SEC16B: variants seen among roughly 807,000 people sequenced by gnomAD.
The protein encoded by SEC16B is SEC16 homolog B, endoplasmic reticulum export factor, also known as protein transport protein Sec16B.
SEC16B carries 115 observed loss-of-function variants against 141.8 expected under a neutral mutation model. The observed-to-expected ratio is 0.81, with a 90% CI of 0.70 to 0.95. The LOEUF (loss-of-function observed/expected upper bound fraction) is 0.95. Among genes scored for constraint, SEC16B ranks in the 40% least tolerant of loss-of-function variants. SEC16B has a pLI of 0.00. For missense variants in SEC16B, 1,291 were observed against 1,312.3 expected, an observed-to-expected ratio of 0.98 and a Z score of 0.25; for synonymous variants, 493 against 492.5, an observed-to-expected ratio of 1.00 and a Z score of -0.01.
chr1:177,973,997 A>AAT (rs768534234), upstream of SEC16B, among the ~76,000 whole-genome samples: 697 of 151,166 alleles, frequency 4.6e-3, 5 homozygotes, highest in African/African-American at 0.015. Context: ...GGACATATAG[A>AAT]ATATATATAT....
At chr1:177,954,237 C>A (rs754151344) in intron 11 of SEC16B, 42 bp downstream of exon 11, 1 of 1,453,874 alleles carries the variant, frequency 6.9e-7, no homozygotes, top group Non-Finnish European at 9.4e-7. Context: ...GGTGAGGAGG[C>A]CTCTCTGCCC....
intron 12 of SEC16B, chr1:177,948,595 C>T (rs1454623610): frequency 4.6e-6 from 6 of 1,303,932 alleles, no homozygotes; most frequent in Non-Finnish European, 5.1e-6. Flanking sequence ...TACAAAGCCC[C>T]GCATCAATGG....
At chr1:177,950,298 G>C (rs1474546026) in intron 12 of SEC16B, among the ~76,000 whole-genome samples, 1 of 152,136 alleles carries the variant, frequency 6.6e-6, no homozygotes, top group Non-Finnish European at 1.5e-5. Context: ...GAAGCCAAGA[G>C]GACACGAGGG....
intron 1 of SEC16B, among the ~76,000 whole-genome samples, chr1:177,979,154 T>C (rs541077943): frequency 1.3e-5 from 2 of 152,300 alleles, no homozygotes; most frequent in South Asian, 2.1e-4. Flanking sequence ...AATATAGTAA[T>C]ATATTTAACA....
In SEC16B at chr1:177,944,666, A is replaced by T. The variant is rs1361872139; in HGVS notation, c.1776T>A (p.Ser592Arg). Residue 592 changes from serine (S) to arginine (R), a missense_variant and splice_region_variant, in exon 15 of 26, where the codon AGT becomes AGA. Coordinates refer to ENST00000308284, the MANE Select transcript of SEC16B (RefSeq NM_033127.4). Reference protein sequence around the residue: ...DHLVLLGSSHSQEFLKFATTE... With the variant: ...DHLVLLGSSHRQEFLKFATTE... ...TTGTTGCAAATTTCAAAAACTCTTGACTAAAACCAGAGAATAACAATAAAA... is the reference window on the plus strand; with the variant it reads ...TTGTTGCAAATTTCAAAAACTCTTGTCTAAAACCAGAGAATAACAATAAAA... 2 of 1,611,954 alleles carry T rather than the reference A, an allele frequency of 1.2e-6. No homozygotes were observed. Among genetic ancestry groups the T allele is most frequent in the East Asian group, 2.2e-5 (1 of 44,858 alleles).
Position 177,958,229 on chromosome 1 carries a change from G to T in SEC16B, c.1268C>A (p.Thr423Asn), listed in dbSNP as rs575282400. ...GATCTCTCCCGTGAGCAGGTTCGGGGTCCCAGAGCTCAGCACTGGCCAGTC... is the reference window on the plus strand; with the variant it reads ...GATCTCTCCCGTGAGCAGGTTCGGGTTCCCAGAGCTCAGCACTGGCCAGTC... ...DEDWPVLSSG[T>N]PNLLTGEIPP... Residue 423 changes from threonine to asparagine, a missense_variant, in exon 10 of 26, where the codon ACC becomes AAC. Coordinates refer to ENST00000308284, the MANE Select transcript of SEC16B (RefSeq NM_033127.4). The T allele has an allele frequency of 4.4e-5, 70 of 1,605,250 alleles. No homozygotes were observed. In the South Asian group the frequency reaches 7.5e-4, roughly 17 times the overall value.
At chr1:177,933,880 C>T (rs1197308868) in intron 20 of SEC16B, among the ~76,000 whole-genome samples, 1 of 152,002 alleles carries the variant, frequency 6.6e-6, no homozygotes, top group African/African-American at 2.4e-5. Context: ...TGCCACCTCT[C>T]CAGAAACAGA....
At chr1:177,947,767 G>C in intron 13 of SEC16B, 58 bp downstream of exon 13, 1 of 1,007,182 alleles carries the variant, frequency 9.9e-7, no homozygotes, top group South Asian at 1.4e-5. Context: ...GGGACAGGGA[G>C]GGGAGGGGAG....
intron 13 of SEC16B, 126 bp downstream of exon 13, chr1:177,947,699 G>A (rs1193410328): frequency 1.0e-5 from 6 of 596,014 alleles, no homozygotes; most frequent in Non-Finnish European, 1.8e-5. Context: ...GGACGGGGAG[G>A]GGAGGTGAGG....
intron 1 of SEC16B, among the ~76,000 whole-genome samples, chr1:177,983,662 C>T (rs144313848): frequency 2.1e-3 from 327 of 152,256 alleles, no homozygotes; most frequent in African/African-American, 7.3e-3. Flanking sequence ...AGATCCAAGC[C>T]GGAGTTCTAT....
Position 177,929,616 on chromosome 1 carries a change from T to A in SEC16B, c.*242A>T. 3.8e-6 allele frequency: 2 copies of A among 523,260 alleles called. No homozygotes were observed. Among genetic ancestry groups the A allele is most frequent in the South Asian group, 4.3e-5 (2 of 46,790 alleles). 32.4% of individuals were successfully genotyped at this position (523,260 alleles called of 1,614,324 possible). A position where few individuals can be genotyped will look rare whatever the true frequency, so the allele number is the denominator to read the frequency against. ...CACTCTGCTCATGTGCAGTCTGCTA[T>A]TAGACCCAGACTTTCCACCTGATGA... On this transcript the variant is annotated 3_prime_UTR_variant, in exon 26 of 26. Transcript: ENST00000308284.
chr1:177,976,306 T>C (rs879936877), intron 1 of SEC16B, among the ~76,000 whole-genome samples: 5 of 152,246 alleles, frequency 3.3e-5, no homozygotes, highest in Non-Finnish European at 5.9e-5. Flanking sequence ...TCCCGTTTGA[T>C]TGATGCCCCC....
At chr1:177,941,147 A>G (rs1207430430) in intron 16 of SEC16B, among the ~76,000 whole-genome samples, 1 of 152,226 alleles carries the variant, frequency 6.6e-6, no homozygotes, top group Non-Finnish European at 1.5e-5. Context: ...AGGTGATGCT[A>G]ATGTTACTTT....
In SEC16B at chr1:177,953,959, T is replaced by C. The variant is rs372967733; in HGVS notation, c.1463+320A>G. Among the ~76,000 whole-genome samples, 18 of 152,240 alleles carry C rather than the reference T, an allele frequency of 1.2e-4. No individual in the cohort carries two copies. The East Asian group carries it at 2.1e-3, about 18-fold the overall frequency. The stretch of plus-strand genomic sequence containing the variant: ...CCCAAGGCTCTAAGGAAGTGATCGC[T>C]ACCCCTCATTACCAGAACTAGCTGG... On this transcript the variant is annotated intron_variant, in intron 11 of 25. Transcript: ENST00000308284.
chr1:177,932,835 T>G (rs938535368), intron 22 of SEC16B, 29 bp from the exon 23 acceptor site: 4 of 1,572,864 alleles, frequency 2.5e-6, no homozygotes, highest in Non-Finnish European at 3.5e-6. Flanking sequence ...AAGGCAGCAT[T>G]GGCAACATTG....
chr1:177,939,931 C>T lies in SEC16B; in HGVS notation c.2128-154G>A, dbSNP rs138371401. 1.8e-3 allele frequency among the ~76,000 whole-genome samples: 275 copies of T among 152,202 alleles called. 2 individuals carry two copies. The highest frequency in any genetic ancestry group is 6.5e-3 in the African/African-American group (271 of 41,536). ...GTATGCTTAGGGGCCTGGGGGGTCA[C>T]GTGGACAGGGCTCCCAGCTCTGCTC... On this transcript the variant is annotated intron_variant, in intron 17 of 25. Coordinates refer to ENST00000308284, the MANE Select transcript of SEC16B (RefSeq NM_033127.4).
rs12085889 is a variant in SEC16B, at chr1:177,963,791, G to A, written c.642+380C>T. 7.1e-3 allele frequency among the ~76,000 whole-genome samples: 1,086 copies of A among 152,300 alleles called. 14 individuals carry two copies. Among genetic ancestry groups the A allele is most frequent in the African/African-American group, 0.024 (1,017 of 41,558 alleles). Reference sequence around the variant, plus strand: ...GTTTCAAGCCCTGCTTCTCAAACCTGAATTCAAAGATTCTAGCAATTTCCC... The same window carrying A: ...GTTTCAAGCCCTGCTTCTCAAACCTAAATTCAAAGATTCTAGCAATTTCCC... On this transcript the variant is annotated intron_variant, in intron 5 of 25. Transcript: ENST00000308284.
chr1:177,974,141 C>T (rs1352698173), upstream of SEC16B, among the ~76,000 whole-genome samples: 9 of 151,214 alleles, frequency 6.0e-5, no homozygotes, highest in Non-Finnish European at 1.2e-4. Context: ...TTTATTTTGG[C>T]TAATAATCTT....
intron 17 of SEC16B, among the ~76,000 whole-genome samples, chr1:177,940,073 CTG>C (rs1651164685): frequency 2.0e-5 from 3 of 152,164 alleles, no homozygotes; most frequent in African/African-American, 2.4e-5. Context: ...GGGGTAGAGG[CTG>C]TGTGTGCTTT....
Sources: gnomAD v4.1 joint callset for allele counts (sites outside exome capture counted in the v4.1 genomes callset) on GRCh38, gnomAD v4.1.1 for gene constraint, MANE v1.5 for transcripts, NCBI Gene and HGNC (gene_info 2026-07-23, HGNC 2026-07-21) for gene names.